Variants in PPARGC1A observed in about 807,000 individuals in gnomAD.
The protein encoded by PPARGC1A is peroxisome proliferator-activated receptor gamma coactivator 1-alpha.
PPARGC1A carries 25 observed loss-of-function variants against 88.7 expected under a neutral mutation model. That is an observed-to-expected ratio of 0.28 (90% CI 0.21 to 0.39). PPARGC1A has a LOEUF of 0.39. Among genes scored for constraint, PPARGC1A ranks in the 10% least tolerant of loss-of-function variants. The pLI is 1.00. For missense variants in PPARGC1A, 880 were observed against 968.7 expected, an observed-to-expected ratio of 0.91 and a Z score of 1.22; for synonymous variants, 363 against 355.6, an observed-to-expected ratio of 1.02 and a Z score of -0.24.
At chr4:24,231,271 C>A in the PPARGC1A span, among the ~76,000 whole-genome samples, 3 of 152,166 alleles carry the variant, frequency 2.0e-5, no homozygotes, top group African/African-American at 7.2e-5. Context: ...GCAGAAGAGA[C>A]GCGGTAGTTG....
At chr4:23,839,923 G>A (rs994936615) in intron 2 of PPARGC1A, among the ~76,000 whole-genome samples, 1 of 151,946 alleles carries the variant, frequency 6.6e-6, no homozygotes, top group African/African-American at 2.4e-5. Context: ...CATCTCCCCC[G>A]AGGTCCCTCC....
At chr4:24,123,926 CA>C in the PPARGC1A span, among the ~76,000 whole-genome samples, 1 of 120,630 alleles carries the variant, frequency 8.3e-6, no homozygotes, top group South Asian at 2.8e-4. Context: ...AAAAAAAAAA[CA>C]AAAAAAACAG....
the PPARGC1A span, among the ~76,000 whole-genome samples, chr4:24,417,789 T>C: frequency 6.6e-6 from 1 of 152,260 alleles, no homozygotes; most frequent in South Asian, 2.1e-4. Context: ...AACATATATG[T>C]ATAGAAAAAA....
chr4:23,885,064 T>G, intron 1 of PPARGC1A, 133 bp from the exon 2 acceptor site: 1 of 740,822 alleles, frequency 1.3e-6, no homozygotes, highest in Non-Finnish European at 2.0e-6. Context: ...TCTGGCACTT[T>G]AATCACCAGG....
At chr4:24,098,376 T>C in the PPARGC1A span, among the ~76,000 whole-genome samples, 1 of 152,236 alleles carries the variant, frequency 6.6e-6, no homozygotes, top group East Asian at 1.9e-4. Flanking sequence ...TCAAATGTTT[T>C]GTGTCTGCAT....
chr4:23,985,693 A>G, the PPARGC1A span, among the ~76,000 whole-genome samples: 1 of 152,046 alleles, frequency 6.6e-6, no homozygotes, highest in Non-Finnish European at 1.5e-5. Context: ...AAAATCACAC[A>G]CAAATCACAA....
chr4:23,926,276 A>G, the PPARGC1A span, among the ~76,000 whole-genome samples: 1 of 152,132 alleles, frequency 6.6e-6, no homozygotes, highest in African/African-American at 2.4e-5. Context: ...AAATATACAA[A>G]ATGGGCCTTA....
the PPARGC1A span, among the ~76,000 whole-genome samples, chr4:24,249,356 C>G: frequency 6.6e-6 from 1 of 152,016 alleles, no homozygotes; most frequent in East Asian, 1.9e-4. Context: ...AAGGTTTAAC[C>G]AATCCAATTT....
the PPARGC1A span, among the ~76,000 whole-genome samples, chr4:23,986,398 T>A: frequency 2.0e-5 from 3 of 152,038 alleles, no homozygotes; most frequent in Admixed American, 6.6e-5. Context: ...TGTATATGAC[T>A]CCAGGTAACA....
the PPARGC1A span, among the ~76,000 whole-genome samples, chr4:24,259,326 C>T: frequency 2.0e-5 from 3 of 152,190 alleles, no homozygotes; most frequent in Non-Finnish European, 4.4e-5. Context: ...CAAGCACATT[C>T]CCACCTCAGG....
At chr4:23,933,066 G>C in the PPARGC1A span, among the ~76,000 whole-genome samples, 74 of 152,270 alleles carry the variant, frequency 4.9e-4, 1 homozygote, top group Admixed American at 2.2e-3. Context: ...GAAGGAATTC[G>C]GGCCAGCCAA....
the PPARGC1A span, among the ~76,000 whole-genome samples, chr4:23,963,624 A>G: frequency 6.6e-6 from 1 of 152,222 alleles, no homozygotes; most frequent in Non-Finnish European, 1.5e-5. Context: ...GAAGATCTAC[A>G]TGGAGGCACA....
chr4:24,466,165 A>C, the PPARGC1A span, among the ~76,000 whole-genome samples: 1 of 152,218 alleles, frequency 6.6e-6, no homozygotes, highest in Non-Finnish European at 1.5e-5. Flanking sequence ...CATCTAGTCC[A>C]AAAAGCATCA....
the PPARGC1A span, among the ~76,000 whole-genome samples, chr4:24,143,724 G>T: frequency 6.6e-6 from 1 of 152,062 alleles, no homozygotes; most frequent in Non-Finnish European, 1.5e-5. Flanking sequence ...AGCATTTATC[G>T]GACATATATG....
chr4:23,919,333 C>T, the PPARGC1A span, among the ~76,000 whole-genome samples: 3 of 152,042 alleles, frequency 2.0e-5, no homozygotes, highest in Non-Finnish European at 2.9e-5. Context: ...TTCGGCTTCA[C>T]ATACTTACCA....
the PPARGC1A span, among the ~76,000 whole-genome samples, chr4:24,029,997 G>A: frequency 5.9e-5 from 9 of 152,248 alleles, no homozygotes; most frequent in South Asian, 2.1e-4. Context: ...GAGACTTCCC[G>A]TGCAACAATC....
the PPARGC1A span, among the ~76,000 whole-genome samples, chr4:24,411,331 G>T: frequency 6.6e-6 from 1 of 152,174 alleles, no homozygotes. Context: ...AGTTGAGCAG[G>T]TATCACTAAC....
chr4:24,186,526 C>G, the PPARGC1A span, among the ~76,000 whole-genome samples: 1 of 152,142 alleles, frequency 6.6e-6, no homozygotes, highest in South Asian at 2.1e-4. Flanking sequence ...TGCCTAGAGC[C>G]TACCTACCAG....
the PPARGC1A span, among the ~76,000 whole-genome samples, chr4:24,313,168 C>T: frequency 3.2e-3 from 489 of 152,178 alleles, 18 homozygotes; most frequent in East Asian, 0.067. Context: ...ATCAGTGAAT[C>T]GGTTAGACAA....
Sources: gnomAD v4.1 joint callset for allele counts (sites outside exome capture counted in the v4.1 genomes callset) on GRCh38, gnomAD v4.1.1 for gene constraint, MANE v1.5 for transcripts, NCBI Gene and HGNC (gene_info 2026-07-23, HGNC 2026-07-21) for gene names.